Variants in FRMPD4 observed in about 807,000 individuals in gnomAD.
The protein encoded by FRMPD4 is FERM and PDZ domain-containing protein 4.
Under a neutral mutation model 94.1 loss-of-function variants are expected in FRMPD4, and 22 were observed. The ratio of observed to expected loss-of-function variants is 0.23; its 90% confidence interval spans 0.17 to 0.33. The LOEUF (loss-of-function observed/expected upper bound fraction) is 0.33, where lower values mean the gene tolerates loss of function less well. FRMPD4 is among the 10% of genes least tolerant of loss of function. The pLI is 1.00. For missense variants in FRMPD4, 1,111 were observed against 1,339.9 expected, an observed-to-expected ratio of 0.83 and a Z score of 2.67; for synonymous variants, 631 against 548.6, an observed-to-expected ratio of 1.15 and a Z score of -2.10.
At chrX:12,116,462 C>T (rs2055409658) in intron 3 of FRMPD4, among the ~76,000 whole-genome samples, 1 of 112,397 alleles carries the variant, frequency 8.9e-6, no homozygotes, top group Admixed American at 9.4e-5. Context: ...GCCGAGACCA[C>T]ATGGTGCTTT....
chrX:12,416,768 G>A (rs1372407822), intron 1 of FRMPD4, among the ~76,000 whole-genome samples: 4 of 111,781 alleles, frequency 3.6e-5, no homozygotes, highest in African/African-American at 1.3e-4. Flanking sequence ...TATCTAGCAT[G>A]TTAAAAATCA....
At chrX:12,095,202 C>A (rs1382433693) in intron 3 of FRMPD4, among the ~76,000 whole-genome samples, 1 of 110,192 alleles carries the variant, frequency 9.1e-6, no homozygotes, top group African/African-American at 3.3e-5. Flanking sequence ...TGTAGTGAGA[C>A]CCTGTCTCTA....
chrX:12,106,493 G>A (rs2055299105), intron 3 of FRMPD4, among the ~76,000 whole-genome samples: 1 of 111,096 alleles, frequency 9.0e-6, no homozygotes, highest in Non-Finnish European at 1.9e-5. Context: ...GAAGACAGGT[G>A]ATTTCTGCAT....
intron 1 of FRMPD4, among the ~76,000 whole-genome samples, chrX:12,363,058 A>AT (rs1257431170): frequency 5.4e-5 from 6 of 110,971 alleles, no homozygotes; most frequent in Non-Finnish European, 1.9e-5. Flanking sequence ...GAGTTGTTTG[A>AT]TTTTTTCTTG....
intron 4 of FRMPD4, among the ~76,000 whole-genome samples, chrX:12,645,378 G>T (rs931081992): frequency 3.1e-5 from 2 of 65,082 alleles, no homozygotes; most frequent in African/African-American, 6.9e-5. Context: ...TTTTTGAGAT[G>T]GAGTCTCACT....
At chrX:11,876,911 T>G (rs1240707058) in intron 2 of FRMPD4, among the ~76,000 whole-genome samples, 1 of 112,315 alleles carries the variant, frequency 8.9e-6, no homozygotes, top group East Asian at 2.8e-4. Context: ...CACTTTTAGT[T>G]GTCACAGCTG....
chrX:12,190,243 T>C (rs1306590880), intron 1 of FRMPD4, among the ~76,000 whole-genome samples: 1 of 111,638 alleles, frequency 9.0e-6, no homozygotes, highest in Non-Finnish European at 1.9e-5. Flanking sequence ...CCCATGTTCT[T>C]GGATAGGAAG....
At chrX:12,215,195 G>GT (rs1305189802) in intron 1 of FRMPD4, among the ~76,000 whole-genome samples, 1 of 111,257 alleles carries the variant, frequency 9.0e-6, no homozygotes, top group Non-Finnish European at 1.9e-5. Flanking sequence ...ATGATCCAAG[G>GT]TTTTTTTGAG....
chrX:12,637,680 T>A (rs2059455519), intron 4 of FRMPD4, among the ~76,000 whole-genome samples: 1 of 110,634 alleles, frequency 9.0e-6, no homozygotes, highest in Non-Finnish European at 1.9e-5. Context: ...ACTCTGTCTC[T>A]TAAAAAAAAA....
chrX:12,544,251 A>G (rs1490234440), intron 2 of FRMPD4, among the ~76,000 whole-genome samples: 1 of 111,047 alleles, frequency 9.0e-6, no homozygotes, highest in East Asian at 2.8e-4. Flanking sequence ...AATTTTTGAG[A>G]GAGAAAAAAA....
chrX:12,231,215 C>G (rs999081744), intron 1 of FRMPD4, among the ~76,000 whole-genome samples: 1 of 99,788 alleles, frequency 1.0e-5, no homozygotes, highest in Non-Finnish European at 2.0e-5. Context: ...ACACCCAGGC[C>G]CCAAATAAAT....
At chrX:12,449,047 G>T (rs2057234268) in intron 1 of FRMPD4, among the ~76,000 whole-genome samples, 1 of 111,869 alleles carries the variant, frequency 8.9e-6, no homozygotes, top group Admixed American at 9.5e-5. Flanking sequence ...TGGCTGATCT[G>T]TTCATACATG....
intron 1 of FRMPD4, among the ~76,000 whole-genome samples, chrX:11,830,735 G>A (rs759333686): frequency 1.1e-4 from 12 of 111,513 alleles, no homozygotes; most frequent in East Asian, 2.8e-4. Flanking sequence ...ACCCTCCCCC[G>A]TCATGTCAGA....
At chrX:12,598,855 T>C (rs1048267883) in intron 2 of FRMPD4, among the ~76,000 whole-genome samples, 2 of 106,120 alleles carry the variant, frequency 1.9e-5, no homozygotes, top group Non-Finnish European at 3.8e-5. Flanking sequence ...AAATGAGCCT[T>C]TATTATGTAA....
intron 1 of FRMPD4, among the ~76,000 whole-genome samples, chrX:12,188,648 T>C (rs5933964): frequency 0.16 from 17,730 of 111,304 alleles, 1,063 homozygotes; most frequent in South Asian, 0.34. Flanking sequence ...CCACAGTTTA[T>C]TTCAGCAAAA....
At chrX:11,962,960 G>A (rs193219791) in intron 3 of FRMPD4, among the ~76,000 whole-genome samples, 5 of 111,978 alleles carry the variant, frequency 4.5e-5, no homozygotes, top group Admixed American at 9.4e-5. Context: ...ACATCCAGCT[G>A]ACTTGGTTTC....
At chrX:12,381,059 C>T (rs1388815757) in intron 1 of FRMPD4, among the ~76,000 whole-genome samples, 2 of 111,867 alleles carry the variant, frequency 1.8e-5, no homozygotes, top group Admixed American at 1.9e-4. Context: ...GGAACATATT[C>T]TATATAAACT....
chrX:12,533,855 C>T (rs1022957545), intron 2 of FRMPD4, among the ~76,000 whole-genome samples: 1 of 112,312 alleles, frequency 8.9e-6, no homozygotes. Flanking sequence ...TGCAGCCTGA[C>T]AATGCAATAG....
intron 3 of FRMPD4, among the ~76,000 whole-genome samples, chrX:11,892,845 G>T (rs912350623): frequency 1.8e-5 from 2 of 112,191 alleles, no homozygotes; most frequent in Admixed American, 1.9e-4. Flanking sequence ...AGTGAAGCTT[G>T]GGATGGGTCT....
Sources: allele counts gnomAD v4.1 joint callset (sites outside exome capture counted in the v4.1 genomes callset), GRCh38; gene constraint gnomAD v4.1.1; transcripts MANE v1.5; gene names NCBI Gene and HGNC (gene_info 2026-07-23, HGNC 2026-07-21).